The following XPO1 variants were observed in gnomAD, a reference collection of about 807,000 sequenced individuals.
The protein encoded by XPO1 is exportin 1.
XPO1 carries 5 observed loss-of-function variants against 133.3 expected under a neutral mutation model. The ratio of observed to expected loss-of-function variants is 0.04; its 90% CI spans 0.02 to 0.08. XPO1 has a LOEUF of 0.08. Ranked by LOEUF, XPO1 falls within the 10% of genes least tolerant of loss-of-function variation. XPO1 has a pLI of 1.00. For missense variants in XPO1, 506 were observed against 1,267.5 expected (o/e 0.40, Z 9.12); for synonymous variants, 419 against 408.2 (o/e 1.03, Z -0.32).
At chr2:61,514,219 C>T (rs1698241606) in intron 4 of XPO1, among the ~76,000 whole-genome samples, 2 of 150,884 alleles carry the variant, frequency 1.3e-5, no homozygotes, top group South Asian at 4.2e-4. Flanking sequence ...AATTTTTGAA[C>T]AGACATTTCA....
At chr2:61,536,982 C>G (rs770828651) in intron 1 of XPO1, 3 of 152,288 alleles carry the variant, frequency 2.0e-5, no homozygotes, top group African/African-American at 7.2e-5. Context: ...AAGACGGAAT[C>G]CCATGTGCAG....
At chr2:61,496,571 T>C (rs1310668525) in intron 10 of XPO1, among the ~76,000 whole-genome samples, 1 of 152,182 alleles carries the variant, frequency 6.6e-6, no homozygotes, top group African/African-American at 2.4e-5. Flanking sequence ...AAACTAGGGC[T>C]GAAAAGAATT....
At chr2:61,504,641 T>C (rs1697707663) in intron 4 of XPO1, among the ~76,000 whole-genome samples, 1 of 152,096 alleles carries the variant, frequency 6.6e-6, no homozygotes, top group Non-Finnish European at 1.5e-5. Flanking sequence ...AAATTTTCGT[T>C]GAAAAGAAAA....
chr2:61,525,601 A>G (rs756928311), intron 3 of XPO1: 13 of 1,019,162 alleles, frequency 1.3e-5, no homozygotes, highest in African/African-American at 6.8e-5. Flanking sequence ...GTCTGTCAGT[A>G]TAAAAAGCAA....
Position 61,502,025 on chromosome 2 carries a change from T to A in XPO1, c.379A>T (p.Ile127Phe). The A allele has an allele frequency of 6.2e-7, 1 of 1,602,680 alleles. No homozygotes were observed. The highest frequency in any genetic ancestry group is 8.5e-7 in the Non-Finnish European group (1 of 1,173,384). ...PTCVEKEKVY[I>F]GKLNMILVQI... ...ACAAGGATCATATTTAATTTTCCGA[T>A]ATACACCTTTTCTTTCTAAGGAAAA... Residue 127 changes from isoleucine to phenylalanine, a missense_variant, in exon 6 of 25, where the codon ATC becomes TTC. Transcript: ENST00000401558.
chr2:61,484,454 T>G (rs1482233887), intron 20 of XPO1: 2 of 193,584 alleles, frequency 1.0e-5, no homozygotes, highest in Admixed American at 6.1e-5. Flanking sequence ...TGTAAATGTG[T>G]CCACTTAACG....
intron 4 of XPO1, among the ~76,000 whole-genome samples, chr2:61,516,881 T>C (rs1483664535): frequency 1.3e-5 from 2 of 152,148 alleles, no homozygotes; most frequent in African/African-American, 4.8e-5. Flanking sequence ...ATTTGAATTA[T>C]CTAAATGCCA....
In XPO1 at chr2:61,484,008, G is replaced by C. The variant is rs779258208; in HGVS notation, c.2606C>G (p.Thr869Arg). The C allele has an allele frequency of 6.2e-7, 1 of 1,613,974 alleles. No individual in the cohort carries two copies. The highest frequency in any genetic ancestry group is 2.2e-5 in the East Asian group (1 of 44,854). Residue 869 changes from threonine to arginine, a missense_variant, in exon 21 of 25, where the codon ACA (threonine) becomes AGA (arginine). Thr to Arg is a moderately conservative substitution (Grantham distance 71). Coordinates refer to ENST00000401558, the MANE Select transcript of XPO1 (RefSeq NM_003400.4). ...GGAATCCAAAACAAGTTTAAACTGT[G>C]TAGGTGGAATAGCAAGGAATGCTGG... The part of the protein sequence containing the change: ...CFPAFLAIPP[T>R]QFKLVLDSII...
chr2:61,511,824 T>G (rs953984778), intron 4 of XPO1, among the ~76,000 whole-genome samples: 1 of 152,176 alleles, frequency 6.6e-6, no homozygotes, highest in Non-Finnish European at 1.5e-5. Flanking sequence ...AGTGGCATGA[T>G]CACAGCTCAC....
In XPO1 at chr2:61,502,237, A is replaced by C. The variant is rs1294587035; in HGVS notation, c.363+12T>G. ...TTATGCTCTCCCAATAAGCTCCAAA[A>C]TAAACTCTTACCTCTACACAAGTTG... On this transcript the variant is annotated intron_variant, in intron 5 of 24. Transcript: ENST00000401558. The C allele has an allele frequency of 6.2e-7, 1 of 1,609,732 alleles. No individual in the cohort carries two copies. Among genetic ancestry groups the C allele is most frequent in the African/African-American group, 1.3e-5 (1 of 74,748 alleles).
intron 4 of XPO1, among the ~76,000 whole-genome samples, chr2:61,518,279 G>A (rs369008928): frequency 2.6e-5 from 4 of 151,320 alleles, no homozygotes; most frequent in African/African-American, 9.7e-5. Context: ...AAAGCCAGGC[G>A]CGGTGGTTCG....
intron 3 of XPO1, chr2:61,525,676 T>C (rs1698880143): frequency 9.8e-7 from 1 of 1,025,162 alleles, no homozygotes; most frequent in Admixed American, 5.8e-5. Flanking sequence ...TTTGAGGAAG[T>C]TCTGGACTGT....
intron 4 of XPO1, among the ~76,000 whole-genome samples, chr2:61,520,900 G>C (rs960486020): frequency 6.6e-6 from 1 of 152,088 alleles, no homozygotes; most frequent in Non-Finnish European, 1.5e-5. Flanking sequence ...AATTAAATCT[G>C]GGGCTCATAA....
At chr2:61,488,491 A>G (rs1488656574) in intron 18 of XPO1, 97 bp downstream of exon 18, 8 of 1,368,546 alleles carry the variant, frequency 5.8e-6, no homozygotes, top group Admixed American at 2.2e-5. Flanking sequence ...GGGAGGTCTG[A>G]TTTAAATCTG....
Position 61,482,421 on chromosome 2 carries a change from A to G in XPO1, c.2931T>C (p.Tyr977=), listed in dbSNP as rs1696434266. The change falls in exon 23 of 25, where the codon TAT becomes TAC. Residue 977 remains tyrosine, a synonymous_variant. Coordinates refer to ENST00000401558, the MANE Select transcript of XPO1 (RefSeq NM_003400.4). The stretch of plus-strand genomic sequence containing the variant: ...AGGCCGACTTAAGGAGATTAGCCAC[A>G]TATTCCTGAAGAAAGATTTGGTTGT... ...PVNNQIFLQE[Y]VANLLKSAFP... 1.2e-6 allele frequency: 2 copies of G among 1,613,034 alleles called. No homozygotes were observed. Among genetic ancestry groups the G allele is most frequent in the Non-Finnish European group, 1.7e-6 (2 of 1,179,720 alleles).
At chr2:61,529,897 T>C (rs1233147274) in intron 2 of XPO1, among the ~76,000 whole-genome samples, 1 of 152,162 alleles carries the variant, frequency 6.6e-6, no homozygotes, top group Non-Finnish European at 1.5e-5. Context: ...GCTTCCATTG[T>C]GAGTCTGTGG....
At chr2:61,516,067 A>C (rs1698372629) in intron 4 of XPO1, among the ~76,000 whole-genome samples, 2 of 151,618 alleles carry the variant, frequency 1.3e-5, no homozygotes, top group Non-Finnish European at 2.9e-5. Flanking sequence ...CTGAGCATCC[A>C]GTGACCCAAG....
intron 2 of XPO1, among the ~76,000 whole-genome samples, chr2:61,528,083 C>T (rs1263609809): frequency 6.6e-5 from 10 of 151,780 alleles, no homozygotes; most frequent in Non-Finnish European, 1.2e-4. Flanking sequence ...CCTGCCACCA[C>T]GCCTGGCTAA....
At chr2:61,486,445 G>A (rs6705235) in intron 19 of XPO1, among the ~76,000 whole-genome samples, 1 of 151,466 alleles carries the variant, frequency 6.6e-6, no homozygotes, top group African/African-American at 2.4e-5. Context: ...ATGGCAGCAA[G>A]CGAGCCCTCA....
Sources: allele counts gnomAD v4.1 joint callset (sites outside exome capture counted in the v4.1 genomes callset), GRCh38; gene constraint gnomAD v4.1.1; transcripts MANE v1.5; gene names NCBI Gene and HGNC (gene_info 2026-07-23, HGNC 2026-07-21).